Variants in PLD5 observed in about 807,000 individuals in gnomAD.
PLD5 encodes phospholipase D family member 5, also known as inactive phospholipase D5.
Under a neutral mutation model 61.1 loss-of-function variants are expected in PLD5, and 36 were observed. That is an observed-to-expected ratio of 0.59 (90% CI 0.45 to 0.78). PLD5 has a LOEUF of 0.78. Among genes scored for constraint, PLD5 ranks in the 30% least tolerant of loss-of-function variants. The pLI, the probability that PLD5 is intolerant of heterozygous loss-of-function variation, is 0.00. For synonymous variants in PLD5, 243 were observed against 242.8 expected (o/e 1.00, Z -0.01); for missense variants, 515 against 644.4 (o/e 0.80, Z 2.17).
intron 4 of PLD5, among the ~76,000 whole-genome samples, chr1:242,249,663 A>G (rs888626989): frequency 2.0e-5 from 3 of 152,224 alleles, no homozygotes; most frequent in Non-Finnish European, 4.4e-5. Context: ...CAAACTGCAC[A>G]TATTCTCCTA....
chr1:242,403,471 T>C (rs1366580758), intron 1 of PLD5, among the ~76,000 whole-genome samples: 1 of 110,536 alleles, frequency 9.0e-6, no homozygotes, highest in East Asian at 2.2e-4. Flanking sequence ...GGATAGGCTT[T>C]TTTTTTTTTT....
chr1:242,502,406 T>C (rs2102991424), intron 1 of PLD5, among the ~76,000 whole-genome samples: 1 of 152,310 alleles, frequency 6.6e-6, no homozygotes, highest in Non-Finnish European at 1.5e-5. Flanking sequence ...CACTTGTTTT[T>C]AGTAGACTCT....
At chr1:242,329,868 G>A (rs1316578891) in intron 2 of PLD5, among the ~76,000 whole-genome samples, 1 of 152,090 alleles carries the variant, frequency 6.6e-6, no homozygotes, top group African/African-American at 2.4e-5. Context: ...TTTACAGAAG[G>A]GAAAACCCAG....
At chr1:242,219,893 A>C in intron 5 of PLD5, 95 bp downstream of exon 5, 1 of 1,436,998 alleles carries the variant, frequency 7.0e-7, no homozygotes, top group Non-Finnish European at 9.5e-7. Flanking sequence ...TAAATGCTGT[A>C]GGTTTTAGGA....
At chr1:242,523,472 G>A (rs2103014714) in intron 1 of PLD5, among the ~76,000 whole-genome samples, 1 of 152,114 alleles carries the variant, frequency 6.6e-6, no homozygotes, top group African/African-American at 2.4e-5. Context: ...CAGAGGGGAG[G>A]ATTTCTGGGG....
At chr1:242,314,929 T>C (rs1676920068) in intron 2 of PLD5, among the ~76,000 whole-genome samples, 7 of 152,174 alleles carry the variant, frequency 4.6e-5, no homozygotes, top group Admixed American at 2.6e-4. Flanking sequence ...AACAGTGAAT[T>C]GTCACTGCAG....
chr1:242,112,716 C>T (rs1198124001), intron 7 of PLD5, among the ~76,000 whole-genome samples: 1 of 152,130 alleles, frequency 6.6e-6, no homozygotes, highest in South Asian at 2.1e-4. Context: ...AAAGGGCACA[C>T]TTAATCATTT....
intron 5 of PLD5, among the ~76,000 whole-genome samples, chr1:242,193,014 C>T (rs1388076715): frequency 1.3e-5 from 2 of 152,254 alleles, no homozygotes; most frequent in African/African-American, 4.8e-5. Flanking sequence ...GTCCCAGTAC[C>T]ACATCCTCAG....
rs868582939 is a variant in PLD5 at position 242,494,858 on chromosome 1, C to T, written c.189+29230G>A. ...CTATTTGAAAATTGGCTGACACAAC[C>T]CCCAATTTTTTTTTCTTTTCTGTTT... On this transcript the variant is annotated intron_variant, in intron 1 of 9. Transcript: ENST00000536534. Among the ~76,000 whole-genome samples, 78 of 148,234 alleles carry T rather than the reference C, an allele frequency of 5.3e-4. 1 individual carries two copies. The highest frequency in any genetic ancestry group is 1.9e-3 in the African/African-American group (74 of 39,550).
intron 5 of PLD5, among the ~76,000 whole-genome samples, chr1:242,152,884 G>T (rs963100934): frequency 6.6e-6 from 1 of 152,138 alleles, no homozygotes; most frequent in Non-Finnish European, 1.5e-5. Context: ...TAATGGGATT[G>T]CTGGGTTAAA....
At chr1:242,348,017 G>A (rs978692522) in intron 2 of PLD5, 89 bp downstream of exon 2, 72 of 1,510,746 alleles carry the variant, frequency 4.8e-5, no homozygotes, top group South Asian at 8.9e-5. Context: ...GACTACGTGT[G>A]TTTATGTATT....
At chr1:242,302,165 T>C (rs1247190096) in intron 2 of PLD5, among the ~76,000 whole-genome samples, 1 of 152,208 alleles carries the variant, frequency 6.6e-6, no homozygotes, top group Non-Finnish European at 1.5e-5. Flanking sequence ...TTCAGGACAG[T>C]AACATGCTGT....
chr1:242,325,985 G>A (rs1016337890), intron 2 of PLD5, among the ~76,000 whole-genome samples: 17 of 144,544 alleles, frequency 1.2e-4, no homozygotes, highest in South Asian at 2.2e-4. Flanking sequence ...ACTGCTGGGC[G>A]TAAGTGATCT....
At chr1:242,156,169 C>T (rs530601521) in intron 5 of PLD5, among the ~76,000 whole-genome samples, 1 of 150,024 alleles carries the variant, frequency 6.7e-6, no homozygotes, top group East Asian at 2.2e-4. Flanking sequence ...ATTAGGATTG[C>T]AACTCCTGCT....
intron 5 of PLD5, among the ~76,000 whole-genome samples, chr1:242,144,640 G>C (rs1558268530): frequency 6.6e-6 from 1 of 152,156 alleles, no homozygotes; most frequent in Non-Finnish European, 1.5e-5. Flanking sequence ...AATTAGCTGG[G>C]TGTGGTGGCA....
chr1:242,386,035 C>G (rs998281309), intron 1 of PLD5, among the ~76,000 whole-genome samples: 10 of 152,168 alleles, frequency 6.6e-5, no homozygotes, highest in African/African-American at 2.4e-4. Context: ...CCAGGACCCT[C>G]TCCTTGGCTT....
intron 5 of PLD5, among the ~76,000 whole-genome samples, chr1:242,200,630 C>CAAAA (rs111252018): frequency 2.0e-3 from 214 of 108,460 alleles, no homozygotes; most frequent in African/African-American, 6.0e-3. Flanking sequence ...GTGGCACAGG[C>CAAAA]AAAAAAAAAA....
intron 2 of PLD5, among the ~76,000 whole-genome samples, chr1:242,294,496 T>C (rs906817783): frequency 3.9e-5 from 6 of 152,206 alleles, no homozygotes; most frequent in African/African-American, 1.2e-4. Flanking sequence ...TGTGTATGTG[T>C]TTTGGTAAAC....
At chr1:242,113,349 T>A (rs1379375001) in intron 7 of PLD5, among the ~76,000 whole-genome samples, 2 of 152,130 alleles carry the variant, frequency 1.3e-5, no homozygotes, top group Non-Finnish European at 2.9e-5. Flanking sequence ...CGCCTCGGCC[T>A]CCCAAAGTGC....
Sources: allele counts gnomAD v4.1 joint callset (sites outside exome capture counted in the v4.1 genomes callset), GRCh38; gene constraint gnomAD v4.1.1; transcripts MANE v1.5; gene names NCBI Gene and HGNC (gene_info 2026-07-23, HGNC 2026-07-21).